Variants in FAM114A1 observed in about 807,000 individuals in gnomAD.
The protein encoded by FAM114A1 is protein NOXP20.
A neutral mutation model predicts 64.3 loss-of-function variants in FAM114A1; 62 were observed. The observed-to-expected ratio is 0.96, with a 90% CI of 0.79 to 1.19. The LOEUF (loss-of-function observed/expected upper bound fraction) is 1.19, where lower values mean the gene tolerates loss of function less well. FAM114A1 is among the 50% of genes most tolerant of loss of function. The probability of loss-of-function intolerance (pLI) is 0.00; values close to 1 mark genes in which losing one functional copy is unlikely to be tolerated. For synonymous variants in FAM114A1, 254 were observed against 251.1 expected, an observed-to-expected ratio of 1.01 and a Z score of -0.11; for missense variants, 645 against 676.3, an observed-to-expected ratio of 0.95 and a Z score of 0.51.
At chr4:38,920,296 C>T (rs142246115) in intron 8 of FAM114A1, among the ~76,000 whole-genome samples, 6 of 152,230 alleles carry the variant, frequency 3.9e-5, no homozygotes, top group African/African-American at 1.4e-4. Flanking sequence ...ACAATGGCAG[C>T]ACACACCTCC....
Position 38,932,278 on chromosome 4 carries a change from C to CCA in FAM114A1, c.1367_1368insCA (p.Arg457SerfsTer10), listed in dbSNP as rs1720711470. ...ATTGAAAGTCTGGCGGAGGTAACAG[C>CCA]GCGCTGTATTGAGCAGCTTCATAAA... On this transcript the variant is annotated frameshift_variant, in exon 12 of 15. Coordinates refer to ENST00000358869, the MANE Select transcript of FAM114A1 (RefSeq NM_138389.4). LOFTEE classifies it high-confidence loss of function. 1 of 1,611,060 alleles carries CCA rather than the reference C, an allele frequency of 6.2e-7. No homozygotes were observed. Among genetic ancestry groups the CCA allele is most frequent in the Non-Finnish European group, 8.5e-7 (1 of 1,179,342 alleles).
chr4:38,922,852 C>T lies in FAM114A1; in HGVS notation c.1028C>T (p.Ala343Val), dbSNP rs763524813. The T allele has an allele frequency of 2.5e-6, 4 of 1,613,108 alleles. No individual in the cohort carries two copies. In the East Asian group the frequency reaches 8.9e-5, roughly 36 times the overall value. ...CTAATTTCCATTAAAGACATCTTTG[C>T]AGCCAAAGAATTAGAGAATGAAGAA... ...NDLISIKDIF[A>V]AKELENEENQ... The change falls in exon 9 of 15, where the codon GCA (alanine) becomes GTA (valine). Residue 343 changes from alanine (A) to valine (V), a missense_variant. Ala to Val is a moderately conservative substitution (Grantham distance 64). Coordinates refer to ENST00000358869, the MANE Select transcript of FAM114A1 (RefSeq NM_138389.4).
chr4:38,931,815 C>T (rs769651008), intron 11 of FAM114A1, among the ~76,000 whole-genome samples: 5 of 152,126 alleles, frequency 3.3e-5, no homozygotes, highest in South Asian at 2.1e-4. Flanking sequence ...ATTAGCAGGG[C>T]GTGGTGGCGT....
intron 3 of FAM114A1, among the ~76,000 whole-genome samples, chr4:38,880,115 G>A (rs985944803): frequency 8.7e-5 from 7 of 80,816 alleles, no homozygotes; most frequent in African/African-American, 2.8e-4. Context: ...GAGTAGAATA[G>A]AATAGAATAG....
intron 2 of FAM114A1, among the ~76,000 whole-genome samples, chr4:38,877,065 C>T (rs1253981487): frequency 6.6e-6 from 1 of 152,146 alleles, no homozygotes; most frequent in African/African-American, 2.4e-5. Context: ...TAAGGTAACA[C>T]TCACAGGTTC....
intron 4 of FAM114A1, among the ~76,000 whole-genome samples, chr4:38,903,573 A>T (rs7664107): frequency 0.49 from 73,680 of 151,916 alleles, 17,976 homozygotes; most frequent in Middle Eastern, 0.63. Flanking sequence ...ATATATATAT[A>T]TTTAATGGCA....
intron 9 of FAM114A1, among the ~76,000 whole-genome samples, chr4:38,923,983 G>A (rs1256730243): frequency 6.6e-6 from 1 of 152,192 alleles, no homozygotes; most frequent in East Asian, 1.9e-4. Context: ...CCGACCCACA[G>A]TTGTTTTGTG....
chr4:38,895,453 G>A (rs1716837134), intron 4 of FAM114A1, among the ~76,000 whole-genome samples: 1 of 152,138 alleles, frequency 6.6e-6, no homozygotes, highest in Admixed American at 6.5e-5. Flanking sequence ...TCTCTCTTTT[G>A]AGTCACTGAA....
intron 8 of FAM114A1, among the ~76,000 whole-genome samples, chr4:38,916,439 G>A (rs1189380323): frequency 6.6e-6 from 1 of 152,174 alleles, no homozygotes; most frequent in Non-Finnish European, 1.5e-5. Flanking sequence ...TGTGTGTGGA[G>A]TAATATGTAT....
chr4:38,916,647 C>T (rs901835622), intron 8 of FAM114A1, among the ~76,000 whole-genome samples: 1 of 151,872 alleles, frequency 6.6e-6, no homozygotes, highest in African/African-American at 2.4e-5. Context: ...CATCACACAC[C>T]GAGGCCTGTC....
chr4:38,867,866 C>T (rs1052547890), intron 1 of FAM114A1, 32 bp downstream of exon 1: 12 of 173,970 alleles, frequency 6.9e-5, no homozygotes, highest in Admixed American at 1.9e-4. Flanking sequence ...TCCCCATCCC[C>T]TTCCCCGGGG....
rs148706509 is a variant in FAM114A1 at position 38,893,900 on chromosome 4, C to T, written c.436+2070C>T. Among the ~76,000 whole-genome samples the T allele has an allele frequency of 4.2e-3, 634 of 152,142 alleles. 3 individuals are homozygous for T. Among genetic ancestry groups the T allele is most frequent in the African/African-American group, 0.015 (608 of 41,498 alleles). ...GGATGTGGCCAGGCATGGTGGCTCA[C>T]GCCTGTAATCCCGGCACTTTGGGAG... On this transcript the variant is annotated intron_variant, in intron 4 of 14. Transcript: ENST00000358869.
chr4:38,872,020 G>T (rs550049561), intron 2 of FAM114A1, among the ~76,000 whole-genome samples: 16 of 152,208 alleles, frequency 1.1e-4, no homozygotes, highest in South Asian at 2.1e-4. Flanking sequence ...TAGAAGCAGA[G>T]AAGGCACCTG....
chr4:38,880,100 A>AAATAGAGTAG (rs1425476583), intron 3 of FAM114A1, among the ~76,000 whole-genome samples: 2 of 99,024 alleles, frequency 2.0e-5, no homozygotes, highest in East Asian at 4.0e-4. Context: ...AAATAAAATA[A>AAATAGAGTAG]AATAGAGTAG....
At chr4:38,881,551 C>A (rs919549783) in intron 3 of FAM114A1, among the ~76,000 whole-genome samples, 2 of 152,082 alleles carry the variant, frequency 1.3e-5, no homozygotes, top group African/African-American at 4.8e-5. Context: ...TTAAGAAGGG[C>A]AGGAAAGCCG....
At chr4:38,890,285 C>G (rs956940526) in intron 3 of FAM114A1, among the ~76,000 whole-genome samples, 2 of 151,994 alleles carry the variant, frequency 1.3e-5, no homozygotes, top group Admixed American at 1.3e-4. Flanking sequence ...CAACTGTAGT[C>G]TCAGCTACTT....
At chr4:38,933,636 G>C (rs888896318) in intron 12 of FAM114A1, among the ~76,000 whole-genome samples, 6 of 152,156 alleles carry the variant, frequency 3.9e-5, no homozygotes, top group African/African-American at 1.2e-4. Flanking sequence ...GAAAATAGTT[G>C]ATATGGAGCA....
intron 8 of FAM114A1, 128 bp from the exon 9 acceptor site, chr4:38,922,642 C>T: frequency 2.5e-6 from 3 of 1,222,626 alleles, no homozygotes; most frequent in Non-Finnish European, 3.4e-6. Context: ...ATCAAGCCAA[C>T]ATTCAACCCA....
In FAM114A1 at chr4:38,945,311, C is replaced by T. The variant is rs1721884560; in HGVS notation, c.*1754C>T. ...TGGTATATTGATCCATGGGAGGCTGCACAGAAGACCCTGCGGCCAGGAGGG... is the reference window on the plus strand; with the variant it reads ...TGGTATATTGATCCATGGGAGGCTGTACAGAAGACCCTGCGGCCAGGAGGG... On this transcript the variant is annotated 3_prime_UTR_variant, in exon 15 of 15. Coordinates refer to ENST00000358869, the MANE Select transcript of FAM114A1 (RefSeq NM_138389.4). The T allele has an allele frequency of 6.6e-6, 1 of 150,770 alleles. No individual in the cohort carries two copies. Among genetic ancestry groups the T allele is most frequent in the Non-Finnish European group, 1.5e-5 (1 of 67,196 alleles). The allele number at this position is 150,770 out of a possible 1,614,324, so 9.3% of individuals were successfully genotyped here.
Sources: allele counts gnomAD v4.1 joint callset (sites outside exome capture counted in the v4.1 genomes callset), GRCh38; gene constraint gnomAD v4.1.1; transcripts MANE v1.5; gene names NCBI Gene and HGNC (gene_info 2026-07-23, HGNC 2026-07-21).